PCDHA13: variants seen among roughly 807,000 people sequenced by gnomAD.
The protein encoded by PCDHA13 is protocadherin alpha 13, also known as protocadherin alpha-13.
In PCDHA13, 54 loss-of-function variants were observed where a neutral mutation model predicts 64.8. The observed-to-expected ratio is 0.83, with a 90% CI of 0.67 to 1.04. The LOEUF (loss-of-function observed/expected upper bound fraction) is 1.04, where lower values mean the gene tolerates loss of function less well. Among genes scored for constraint, PCDHA13 ranks in the 50% least tolerant of loss-of-function variants. PCDHA13 has a pLI of 0.00. For synonymous variants in PCDHA13, 587 were observed against 564.4 expected, an observed-to-expected ratio of 1.04 and a Z score of -0.57; for missense variants, 1,248 against 1,254.3, an observed-to-expected ratio of 0.99 and a Z score of 0.08.
intron 3 of PCDHA13, among the ~76,000 whole-genome samples, chr5:140,993,767 G>A (rs115607244): frequency 3.3e-5 from 5 of 152,010 alleles, no homozygotes; most frequent in Non-Finnish European, 7.4e-5. Context: ...TTACAATTGC[G>A]CAGTATTTTG....
intron 1 of PCDHA13, among the ~76,000 whole-genome samples, chr5:140,975,683 G>T (rs1226769029): frequency 6.6e-6 from 1 of 151,934 alleles, no homozygotes; most frequent in Non-Finnish European, 1.5e-5. Context: ...AATAAAATAG[G>T]GTATTTTAAA....
chr5:140,968,521 C>G, intron 1 of PCDHA13: 1 of 1,614,180 alleles, frequency 6.2e-7, no homozygotes, highest in Non-Finnish European at 8.5e-7. Context: ...CTACCTCAAC[C>G]AACTCGTCAG....
chr5:140,976,054 G>A (rs1554237225), intron 1 of PCDHA13, among the ~76,000 whole-genome samples: 1 of 152,134 alleles, frequency 6.6e-6, no homozygotes, highest in African/African-American at 2.4e-5. Context: ...AATTGTGATA[G>A]TAATATATGT....
intron 1 of PCDHA13, among the ~76,000 whole-genome samples, chr5:140,947,805 G>T (rs1474604810): frequency 6.6e-6 from 1 of 151,504 alleles, no homozygotes; most frequent in Non-Finnish European, 1.5e-5. Flanking sequence ...TTAATTTGCA[G>T]AGACTATTTC....
At chr5:140,907,341 G>A (rs376587538) in intron 1 of PCDHA13, among the ~76,000 whole-genome samples, 1 of 152,326 alleles carries the variant, frequency 6.6e-6, no homozygotes, top group South Asian at 2.1e-4. Context: ...ATATGCATGA[G>A]CCCGCTGCTG....
At chr5:140,943,509 A>G (rs1053319828) in intron 1 of PCDHA13, among the ~76,000 whole-genome samples, 1 of 152,132 alleles carries the variant, frequency 6.6e-6, no homozygotes, top group East Asian at 1.9e-4. Flanking sequence ...GGTTCATGGA[A>G]ATGTTGAGTT....
chr5:140,978,444 T>G (rs2096802589), intron 1 of PCDHA13, among the ~76,000 whole-genome samples: 1 of 152,248 alleles, frequency 6.6e-6, no homozygotes, highest in Non-Finnish European at 1.5e-5. Context: ...GTGTTATGAC[T>G]GGGCACATCC....
chr5:140,939,034 A>T (rs1367274051), intron 1 of PCDHA13, among the ~76,000 whole-genome samples: 1 of 152,216 alleles, frequency 6.6e-6, no homozygotes, highest in Non-Finnish European at 1.5e-5. Context: ...TATTCGGAAG[A>T]GTTGTCTTAG....
At chr5:140,945,673 A>G (rs192775886) in intron 1 of PCDHA13, among the ~76,000 whole-genome samples, 137 of 152,272 alleles carry the variant, frequency 9.0e-4, no homozygotes, top group Middle Eastern at 3.4e-3. Context: ...CCAGAAATAA[A>G]TCCACACAGT....
intron 1 of PCDHA13, among the ~76,000 whole-genome samples, chr5:140,924,901 A>AAAT (rs1554202313): frequency 5.5e-4 from 44 of 80,500 alleles, no homozygotes; most frequent in Non-Finnish European, 9.1e-4. Flanking sequence ...TCTCAAAAAA[A>AAAT]AAAATAAAAT....
chr5:140,944,838 A>C (rs996510272), intron 1 of PCDHA13, among the ~76,000 whole-genome samples: 13 of 152,212 alleles, frequency 8.5e-5, no homozygotes, highest in Non-Finnish European at 1.6e-4. Flanking sequence ...TTGTAAAATG[A>C]GATATTAGAA....
intron 1 of PCDHA13, among the ~76,000 whole-genome samples, chr5:140,944,398 G>C (rs1326523434): frequency 4.6e-5 from 7 of 152,104 alleles, no homozygotes; most frequent in African/African-American, 2.4e-5. Flanking sequence ...TGTTATCCAG[G>C]CTGGTCTCGA....
At chr5:141,005,868 G>T (rs1428789229) in intron 3 of PCDHA13, among the ~76,000 whole-genome samples, 1 of 152,078 alleles carries the variant, frequency 6.6e-6, no homozygotes, top group African/African-American at 2.4e-5. Flanking sequence ...GGTCGATTGA[G>T]TCCAGGAGTT....
intron 3 of PCDHA13, among the ~76,000 whole-genome samples, chr5:140,992,803 G>A (rs2097529196): frequency 6.6e-6 from 1 of 152,146 alleles, no homozygotes; most frequent in African/African-American, 2.4e-5. Context: ...GGATCCATAT[G>A]TATCTAAGGA....
intron 1 of PCDHA13, chr5:140,967,045 C>T: frequency 6.2e-7 from 1 of 1,612,250 alleles, no homozygotes. Flanking sequence ...TGGAGCTGGA[C>T]CTGACGAGTG....
intron 1 of PCDHA13, among the ~76,000 whole-genome samples, chr5:140,932,733 C>A (rs2088585680): frequency 1.3e-5 from 2 of 151,034 alleles, no homozygotes; most frequent in Admixed American, 6.6e-5. Context: ...TAATATAGAC[C>A]CTCAAATCAG....
intron 1 of PCDHA13, among the ~76,000 whole-genome samples, chr5:140,894,305 T>A (rs1318862417): frequency 6.6e-6 from 1 of 152,078 alleles, no homozygotes; most frequent in East Asian, 1.9e-4. Context: ...TCCTGGAAAG[T>A]TTTCTTAAAT....
intron 2 of PCDHA13, 129 bp from the exon 3 acceptor site, chr5:140,982,346 G>A: frequency 1.3e-6 from 2 of 1,492,346 alleles, no homozygotes; most frequent in South Asian, 2.7e-5. Context: ...AATTGCTTCA[G>A]TTCAAGCATG....
At chr5:140,944,188 T>A (rs184996) in intron 1 of PCDHA13, among the ~76,000 whole-genome samples, 85,693 of 151,800 alleles carry the variant, frequency 0.56, 24,784 homozygotes, top group African/African-American at 0.69. Context: ...GTTGGTTTGT[T>A]TTGTTTTGTT....
Sources: allele counts gnomAD v4.1 joint callset (sites outside exome capture counted in the v4.1 genomes callset), GRCh38; gene constraint gnomAD v4.1.1; transcripts MANE v1.5; gene names NCBI Gene and HGNC (gene_info 2026-07-23, HGNC 2026-07-21).